Variants in AFF1 observed in about 807,000 individuals in gnomAD.
The protein encoded by AFF1 is AF4/FMR2 family member 1.
In AFF1, 48 loss-of-function variants were observed where a neutral mutation model predicts 121.7. That is an observed-to-expected ratio of 0.39 (90% CI 0.31 to 0.50). The LOEUF (loss-of-function observed/expected upper bound fraction) is 0.50. AFF1 is among the 20% of genes least tolerant of loss of function. AFF1 has a pLI of 0.76. For synonymous variants in AFF1, 613 were observed against 563.0 expected (o/e 1.09, Z -1.26); for missense variants, 1,523 against 1,511.7 (o/e 1.01, Z -0.12).
At chr4:87,069,724 G>C (rs1404888389) in intron 4 of AFF1, among the ~76,000 whole-genome samples, 3 of 150,368 alleles carry the variant, frequency 2.0e-5, no homozygotes, top group African/African-American at 7.4e-5. Flanking sequence ...TTGGAGTTTT[G>C]TATCTGGAGA....
intron 2 of AFF1, among the ~76,000 whole-genome samples, chr4:86,985,803 G>A (rs942002064): frequency 6.6e-6 from 1 of 151,990 alleles, no homozygotes; most frequent in South Asian, 2.1e-4. Flanking sequence ...ATTTATCCTA[G>A]TTTTTTGAAT....
intron 2 of AFF1, among the ~76,000 whole-genome samples, chr4:86,980,166 C>G (rs2149489607): frequency 6.6e-6 from 1 of 152,286 alleles, no homozygotes; most frequent in Middle Eastern, 3.4e-3. Flanking sequence ...CTGCCTCTGC[C>G]TCCTAAAGTG....
intron 2 of AFF1, among the ~76,000 whole-genome samples, chr4:87,011,843 TA>T (rs1316316517): frequency 6.6e-6 from 1 of 152,188 alleles, no homozygotes; most frequent in Non-Finnish European, 1.5e-5. Flanking sequence ...AGTCATTTTT[TA>T]AAGTCAGCTG....
At chr4:86,985,203 A>AG (rs1724134880) in intron 2 of AFF1, among the ~76,000 whole-genome samples, 1 of 134,358 alleles carries the variant, frequency 7.4e-6, no homozygotes, top group Non-Finnish European at 1.6e-5. Flanking sequence ...ATATATATAT[A>AG]TATATATATA....
At chr4:87,051,564 G>A (rs554098404) in intron 4 of AFF1, among the ~76,000 whole-genome samples, 3 of 151,922 alleles carry the variant, frequency 2.0e-5, no homozygotes, top group Non-Finnish European at 4.4e-5. Context: ...GGGTTCAAGC[G>A]ATCCTCCTGC....
chr4:87,085,146 C>G (rs1486552154), intron 5 of AFF1, among the ~76,000 whole-genome samples: 1 of 152,160 alleles, frequency 6.6e-6, no homozygotes, highest in Non-Finnish European at 1.5e-5. Flanking sequence ...TTCAATTTTT[C>G]TTGTACAAGG....
At chr4:86,989,557 A>G (rs1195556776) in intron 2 of AFF1, among the ~76,000 whole-genome samples, 2 of 152,216 alleles carry the variant, frequency 1.3e-5, no homozygotes, top group Non-Finnish European at 2.9e-5. Context: ...AGAAATAGGA[A>G]AGCTTTTACA....
chr4:86,984,543 C>T (rs1363195428), intron 2 of AFF1, among the ~76,000 whole-genome samples: 4 of 152,108 alleles, frequency 2.6e-5, no homozygotes, highest in South Asian at 2.1e-4. Context: ...AGGCTAGTCT[C>T]GAACTCTGAG....
chr4:86,976,168 G>A (rs1393352356), intron 2 of AFF1, among the ~76,000 whole-genome samples: 4 of 152,108 alleles, frequency 2.6e-5, no homozygotes, highest in Admixed American at 2.6e-4. Flanking sequence ...ATGTGGGGAG[G>A]GTTGGCTGTA....
Position 87,090,889 on chromosome 4 carries a change from C to T in AFF1, c.1191+819C>T, listed in dbSNP as rs186373469. 3.0e-3 allele frequency among the ~76,000 whole-genome samples: 463 copies of T among 151,842 alleles called. 3 individuals are homozygous for T. The highest frequency in any genetic ancestry group is 0.011 in the African/African-American group (444 of 41,376). On this transcript the variant is annotated intron_variant, in intron 6 of 20. Coordinates refer to ENST00000395146, the MANE Select transcript of AFF1 (RefSeq NM_001166693.3). ...AACTAGCCAGGTGTGGTGGCATGCACCTGTAGTCCCAGCTACTTGGGAGGC... is the reference window on the plus strand; with the variant it reads ...AACTAGCCAGGTGTGGTGGCATGCATCTGTAGTCCCAGCTACTTGGGAGGC...
chr4:87,014,300 C>G (rs561383093), intron 2 of AFF1, among the ~76,000 whole-genome samples: 120 of 152,344 alleles, frequency 7.9e-4, no homozygotes, highest in African/African-American at 2.8e-3. Flanking sequence ...CTACCACACA[C>G]AGCCCAGTTT....
At chr4:87,016,508 C>T (rs575591833) in intron 2 of AFF1, among the ~76,000 whole-genome samples, 2 of 148,074 alleles carry the variant, frequency 1.4e-5, no homozygotes, top group East Asian at 2.0e-4. Context: ...GCGGAGATTG[C>T]GCCACTGCAC....
chr4:86,947,320 C>G (rs1720935904), intron 1 of AFF1, among the ~76,000 whole-genome samples: 1 of 151,960 alleles, frequency 6.6e-6, no homozygotes, highest in South Asian at 2.1e-4. Flanking sequence ...ATTATGTCTG[C>G]TAGTATGGAA....
chr4:87,066,286 G>C (rs1046226364), intron 4 of AFF1, among the ~76,000 whole-genome samples: 9 of 152,248 alleles, frequency 5.9e-5, no homozygotes, highest in Middle Eastern at 6.8e-3. Flanking sequence ...TCTAGTGACC[G>C]GTCATTGCCC....
intron 2 of AFF1, among the ~76,000 whole-genome samples, chr4:86,985,036 CAA>C (rs1724095964): frequency 6.7e-6 from 1 of 148,618 alleles, no homozygotes; most frequent in South Asian, 2.1e-4. Context: ...GAGATACAAA[CAA>C]AATCAAACAG....
chr4:87,070,765 G>A (rs1009961936), intron 4 of AFF1, among the ~76,000 whole-genome samples: 1 of 152,210 alleles, frequency 6.6e-6, no homozygotes. Context: ...ACAGACAGGT[G>A]TACTAGAGAA....
At chr4:87,069,607 C>T (rs1328050876) in intron 4 of AFF1, among the ~76,000 whole-genome samples, 2 of 150,146 alleles carry the variant, frequency 1.3e-5, no homozygotes, top group African/African-American at 2.5e-5. Context: ...CCCTCCTTTC[C>T]CTTCCCTTTC....
At chr4:86,995,136 G>T (rs1040766452) in intron 2 of AFF1, among the ~76,000 whole-genome samples, 6 of 152,160 alleles carry the variant, frequency 3.9e-5, no homozygotes, top group African/African-American at 1.4e-4. Flanking sequence ...AGGAGGCTGA[G>T]GTAGGAGGAT....
chr4:87,129,157 T>C (rs1291565894), intron 16 of AFF1, among the ~76,000 whole-genome samples: 4 of 152,234 alleles, frequency 2.6e-5, no homozygotes, highest in Non-Finnish European at 5.9e-5. Context: ...TAAATAATTA[T>C]ATCCCATTTC....
Sources: gnomAD v4.1 joint callset for allele counts (sites outside exome capture counted in the v4.1 genomes callset) on GRCh38, gnomAD v4.1.1 for gene constraint, MANE v1.5 for transcripts, NCBI Gene and HGNC (gene_info 2026-07-23, HGNC 2026-07-21) for gene names.